The following KIAA1217 variants were observed in gnomAD, a reference collection of about 807,000 sequenced individuals.
The protein encoded by KIAA1217 is KIAA1217.
KIAA1217 carries 88 observed loss-of-function variants against 163.9 expected under a neutral mutation model. That is an observed-to-expected ratio of 0.54 (90% CI 0.45 to 0.64). The LOEUF is 0.64. KIAA1217 is among the 30% of genes least tolerant of loss of function. The pLI is 0.00. For missense variants in KIAA1217, 2,372 were observed against 2,475.0 expected (o/e 0.96, Z 0.88); for synonymous variants, 903 against 923.1 (o/e 0.98, Z 0.39).
At chr10:23,824,396 G>A (rs1442450749) in intron 1 of KIAA1217, among the ~76,000 whole-genome samples, 1 of 151,560 alleles carries the variant, frequency 6.6e-6, no homozygotes, top group Non-Finnish European at 1.5e-5. Flanking sequence ...TTGGGAGGTC[G>A]AGGTGGGCAG....
chr10:23,726,799 G>T (rs1838169061), intron 1 of KIAA1217, among the ~76,000 whole-genome samples: 1 of 152,050 alleles, frequency 6.6e-6, no homozygotes, highest in African/African-American at 2.4e-5. Flanking sequence ...ACTTGAGCAT[G>T]AGTTTTGCAT....
intron 1 of KIAA1217, among the ~76,000 whole-genome samples, chr10:23,937,367 A>C (rs1447850388): frequency 6.6e-6 from 1 of 152,116 alleles, no homozygotes; most frequent in Admixed American, 6.5e-5. Context: ...TGGCACACTG[A>C]CCACCCAGCC....
chr10:24,287,028 C>T (rs970749346), intron 2 of KIAA1217, among the ~76,000 whole-genome samples: 4 of 152,098 alleles, frequency 2.6e-5, no homozygotes, highest in African/African-American at 9.7e-5. Flanking sequence ...CTCTCAGAAG[C>T]TGTTCTCACT....
intron 2 of KIAA1217, among the ~76,000 whole-genome samples, chr10:24,298,332 T>G (rs1293517073): frequency 6.6e-6 from 1 of 152,220 alleles, no homozygotes; most frequent in African/African-American, 2.4e-5. Context: ...GTATTGATTT[T>G]TTTAAATCTA....
chr10:24,027,239 T>TC (rs1368960147), intron 2 of KIAA1217, among the ~76,000 whole-genome samples: 5 of 152,064 alleles, frequency 3.3e-5, no homozygotes, highest in African/African-American at 1.2e-4. Context: ...TGTTTGGGTG[T>TC]CCCCTCCCTG....
In KIAA1217 at chr10:24,433,011, G is replaced by A. The variant is rs745540023; in HGVS notation, c.570G>A (p.Gln190=). 1.9e-6 allele frequency: 3 copies of A among 1,613,440 alleles called. No individual in the cohort carries two copies. The highest frequency in any genetic ancestry group is 4.5e-5 in the East Asian group (2 of 44,856). Reference sequence around the variant, plus strand: ...TGTGTGCAGGGGTTCTCTATCTCCAGTATGGAGATGAAACCAAGCAGCTCA... The same window carrying A: ...TGTGTGCAGGGGTTCTCTATCTCCAATATGGAGATGAAACCAAGCAGCTCA... ...KERSLGVLYL[Q]YGDETKQLRM... The change falls in exon 4 of 21, where the codon CAG becomes CAA. Residue 190 remains glutamine, a synonymous_variant. Transcript: ENST00000376454.
chr10:23,920,580 G>C (rs369982745), intron 1 of KIAA1217, among the ~76,000 whole-genome samples: 20 of 152,230 alleles, frequency 1.3e-4, no homozygotes, highest in African/African-American at 4.6e-4. Context: ...AGACATTAAG[G>C]CTAATTCCTT....
intron 1 of KIAA1217, among the ~76,000 whole-genome samples, chr10:23,838,517 G>T (rs1272934663): frequency 6.6e-6 from 1 of 151,820 alleles, no homozygotes; most frequent in Non-Finnish European, 1.5e-5. Flanking sequence ...CTGGAGTGCA[G>T]TGGCACCATC....
intron 2 of KIAA1217, among the ~76,000 whole-genome samples, chr10:24,137,117 C>T (rs540314375): frequency 1.3e-5 from 2 of 152,204 alleles, no homozygotes; most frequent in South Asian, 4.1e-4. Flanking sequence ...TGTGGAATCA[C>T]ATTTGAGAGG....
At chr10:24,371,729 A>C (rs2051679540) in intron 2 of KIAA1217, among the ~76,000 whole-genome samples, 1 of 148,822 alleles carries the variant, frequency 6.7e-6, no homozygotes, top group South Asian at 2.3e-4. Context: ...CATACAGAAT[A>C]CACAAGAGAA....
At chr10:23,822,751 AGC>A (rs1249794328) in intron 1 of KIAA1217, among the ~76,000 whole-genome samples, 5 of 152,190 alleles carry the variant, frequency 3.3e-5, no homozygotes, top group Non-Finnish European at 7.3e-5. Flanking sequence ...AGAGGTATTT[AGC>A]ACAGAGTTTT....
At chr10:24,263,554 C>G (rs1353553137) in intron 2 of KIAA1217, among the ~76,000 whole-genome samples, 2 of 152,200 alleles carry the variant, frequency 1.3e-5, no homozygotes, top group African/African-American at 4.8e-5. Flanking sequence ...ACTCCAAGGA[C>G]ATTTTAACCT....
chr10:23,818,008 T>TATACACACAC (rs1415893173), intron 1 of KIAA1217, among the ~76,000 whole-genome samples: 1 of 87,264 alleles, frequency 1.1e-5, no homozygotes, highest in African/African-American at 5.3e-5. Context: ...TATATATATA[T>TATACACACAC]ACACACATAT....
chr10:24,009,120 C>T (rs1339993903), intron 2 of KIAA1217, among the ~76,000 whole-genome samples: 1 of 152,118 alleles, frequency 6.6e-6, no homozygotes, highest in Non-Finnish European at 1.5e-5. Flanking sequence ...ACTAAAAGAA[C>T]TTGCAACCAC....
chr10:24,316,969 T>A (rs1450787968), intron 2 of KIAA1217, among the ~76,000 whole-genome samples: 1 of 152,054 alleles, frequency 6.6e-6, no homozygotes, highest in Non-Finnish European at 1.5e-5. Flanking sequence ...TTAGTAATAG[T>A]GTTGGAAAAA....
At chr10:24,290,698 A>G (rs2079007149) in intron 2 of KIAA1217, among the ~76,000 whole-genome samples, 2 of 151,020 alleles carry the variant, frequency 1.3e-5, no homozygotes. Flanking sequence ...CCACCCCCAG[A>G]TTCAAGCGAT....
At chr10:23,940,714 T>G (rs961925127) in intron 1 of KIAA1217, among the ~76,000 whole-genome samples, 2 of 152,136 alleles carry the variant, frequency 1.3e-5, no homozygotes, top group Non-Finnish European at 2.9e-5. Flanking sequence ...TCTCAGCAAA[T>G]TTAAAAGGAT....
Position 23,699,069 on chromosome 10 carries a change from GC to G in KIAA1217, c.-321+3836del, listed in dbSNP as rs201306119. On this transcript the variant is annotated intron_variant, in intron 1 of 18. Transcript: ENST00000376462. ...TTTGTCTTTTCTCTCATTCTCTCTGGCTCACACCGTCCAGTTGCTCCCATCT... is the reference window on the plus strand; with the variant it reads ...TTTGTCTTTTCTCTCATTCTCTCTGGTCACACCGTCCAGTTGCTCCCATCT... 5.2e-3 allele frequency among the ~76,000 whole-genome samples: 793 copies of G among 152,198 alleles called. 4 individuals carry two copies. Among genetic ancestry groups the G allele is most frequent in the African/African-American group, 0.018 (735 of 41,522 alleles).
chr10:23,773,314 T>C (rs939325220), intron 1 of KIAA1217, among the ~76,000 whole-genome samples: 2 of 151,980 alleles, frequency 1.3e-5, no homozygotes, highest in Non-Finnish European at 2.9e-5. Flanking sequence ...TCTGTTCCAT[T>C]GATCTATATC....
Sources: allele counts gnomAD v4.1 joint callset (sites outside exome capture counted in the v4.1 genomes callset), GRCh38; gene constraint gnomAD v4.1.1; transcripts MANE v1.5; gene names NCBI Gene and HGNC (gene_info 2026-07-23, HGNC 2026-07-21).